Variants in BCAS3 observed in about 807,000 individuals in gnomAD.
BCAS3 encodes the protein BCAS4/BCAS3 fusion.
Under a neutral mutation model 116.1 loss-of-function variants are expected in BCAS3, and 53 were observed. The ratio of observed to expected loss-of-function variants is 0.46; its 90% CI spans 0.37 to 0.57. The LOEUF is 0.57. Among genes scored for constraint, BCAS3 ranks in the 20% least tolerant of loss-of-function variants. BCAS3 has a pLI of 0.00. For synonymous variants in BCAS3, 391 were observed against 408.2 expected (o/e 0.96, Z 0.51); for missense variants, 917 against 1,165.4 (o/e 0.79, Z 3.10).
At chr17:60,787,191 G>A (rs1028860201) in intron 6 of BCAS3, among the ~76,000 whole-genome samples, 4 of 152,120 alleles carry the variant, frequency 2.6e-5, no homozygotes, top group Admixed American at 2.0e-4. Flanking sequence ...ACAGAATTAT[G>A]TGTTGTAGTT....
chr17:61,264,270 A>C (rs1183615193), intron 22 of BCAS3, among the ~76,000 whole-genome samples: 2 of 152,102 alleles, frequency 1.3e-5, no homozygotes, highest in Non-Finnish European at 2.9e-5. Flanking sequence ...GAAAATTCTG[A>C]CTTGTGTATA....
intron 9 of BCAS3, among the ~76,000 whole-genome samples, chr17:60,880,580 G>A (rs924535375): frequency 2.0e-5 from 3 of 151,966 alleles, no homozygotes; most frequent in Non-Finnish European, 2.9e-5. Flanking sequence ...GAGCCACCGC[G>A]CCTAGCCATA....
In BCAS3 at chr17:61,344,916, TACAC is replaced by T. The variant is rs143541906; in HGVS notation, c.2426-23397_2426-23394del. On this transcript the variant is annotated intron_variant, in intron 22 of 23. Coordinates refer to ENST00000407086, the MANE Select transcript of BCAS3 (RefSeq NM_017679.5). The surrounding 1 kb of genome is among the most constrained non-coding windows in gnomAD (Gnocchi z 4.1). ...TATTTTATGATTCCTGGATCGGAAA[TACAC>T]ACACACACACACATACACACACACA... Among the ~76,000 whole-genome samples the T allele has an allele frequency of 6.7e-6, 1 of 149,966 alleles. No individual in the cohort carries two copies. The highest frequency in any genetic ancestry group is 1.5e-5 in the Non-Finnish European group (1 of 67,408).
intron 22 of BCAS3, among the ~76,000 whole-genome samples, chr17:61,086,196 C>T (rs972777319): frequency 6.6e-6 from 1 of 152,354 alleles, no homozygotes; most frequent in Non-Finnish European, 1.5e-5. Flanking sequence ...TCAAGCAATT[C>T]TCCTATCTCG....
intron 14 of BCAS3, among the ~76,000 whole-genome samples, chr17:60,982,958 A>G (rs1419798947): frequency 6.6e-6 from 1 of 152,186 alleles, no homozygotes; most frequent in Non-Finnish European, 1.5e-5. Flanking sequence ...CCAGGAGCAC[A>G]TATACTTTAT....
At chr17:60,788,270 A>C (rs771920358) in intron 6 of BCAS3, among the ~76,000 whole-genome samples, 1 of 152,206 alleles carries the variant, frequency 6.6e-6, no homozygotes. Flanking sequence ...TAAGGTTCAT[A>C]CATGGCATTT....
rs757557347 is a variant in BCAS3 at position 61,365,871 on chromosome 17, G to A, written c.2426-2456G>A. ...AGCTGAGTGTATAGCAGCCAGGTGCGGTGGCTCACACCTGGAATCCCAGCA... is the reference window on the plus strand; with the variant it reads ...AGCTGAGTGTATAGCAGCCAGGTGCAGTGGCTCACACCTGGAATCCCAGCA... On this transcript the variant is annotated intron_variant, in intron 22 of 23. Transcript: ENST00000407086. The surrounding 1 kb of genome is among the most constrained non-coding windows in gnomAD (Gnocchi z 4.6). Among the ~76,000 whole-genome samples the A allele has an allele frequency of 3.9e-5, 6 of 151,914 alleles. No individual in the cohort carries two copies. The South Asian group carries it at 6.2e-4, about 16-fold the overall frequency.
intron 7 of BCAS3, among the ~76,000 whole-genome samples, chr17:60,864,571 A>G (rs543268059): frequency 9.8e-5 from 15 of 152,330 alleles, no homozygotes; most frequent in East Asian, 7.7e-4. Flanking sequence ...TTAGTCTTCT[A>G]TCTAAACCAC....
chr17:61,285,076 GC>G lies in BCAS3; in HGVS notation c.2426-83250del, dbSNP rs1430212919. Among the ~76,000 whole-genome samples the G allele has an allele frequency of 6.6e-6, 1 of 152,184 alleles. No homozygotes were observed. Among genetic ancestry groups the G allele is most frequent in the Non-Finnish European group, 1.5e-5 (1 of 68,030 alleles). ...GTTGGGACCATGCCTACTGACTGAT[GC>G]TAACCTCGGGGTCTCTTCTGTCCCC... On this transcript the variant is annotated intron_variant, in intron 22 of 23. Transcript: ENST00000407086. The surrounding 1 kb of genome is among the most constrained non-coding windows in gnomAD (Gnocchi z 5.4).
chr17:60,961,461 C>G lies in BCAS3; in HGVS notation c.1221+14109C>G, dbSNP rs2061408671. ...CAATAGTCACATTAGCAGAATGAACCTCGAGATTACCCAGATGTAGTAAAT... is the reference window on the plus strand; with the variant it reads ...CAATAGTCACATTAGCAGAATGAACGTCGAGATTACCCAGATGTAGTAAAT... On this transcript the variant is annotated intron_variant, in intron 14 of 23. Transcript: ENST00000407086. The surrounding 1 kb of genome is among the most constrained non-coding windows in gnomAD (Gnocchi z 4.8). Among the ~76,000 whole-genome samples the G allele has an allele frequency of 6.6e-6, 1 of 151,994 alleles. No individual in the cohort carries two copies. The highest frequency in any genetic ancestry group is 1.5e-5 in the Non-Finnish European group (1 of 68,016).
At chr17:60,997,053 C>G (rs1177573985) in intron 15 of BCAS3, among the ~76,000 whole-genome samples, 2 of 152,092 alleles carry the variant, frequency 1.3e-5, no homozygotes, top group Non-Finnish European at 2.9e-5. Context: ...TTAAACGGTT[C>G]CATCTGAGAT....
At chr17:60,719,325 C>T (rs1209457891) in intron 5 of BCAS3, among the ~76,000 whole-genome samples, 3 of 152,158 alleles carry the variant, frequency 2.0e-5, no homozygotes, top group African/African-American at 7.2e-5. Flanking sequence ...ATAGTATTCG[C>T]CAGTGCACAC....
rs1235466980 is a variant in BCAS3 at position 61,082,861 on chromosome 17, C to T, written c.2328-1606C>T. On this transcript the variant is annotated intron_variant, in intron 21 of 23. Coordinates refer to ENST00000407086, the MANE Select transcript of BCAS3 (RefSeq NM_017679.5). The surrounding 1 kb of genome is among the most constrained non-coding windows in gnomAD (Gnocchi z 5.1). ...AATATTTGTTAATCAGTATTTTCAC[C>T]TTCCGGTAATAGATCATCCTATACC... is the stretch of plus-strand genomic sequence containing the variant. Among the ~76,000 whole-genome samples the T allele has an allele frequency of 1.3e-5, 2 of 152,156 alleles. No individual in the cohort carries two copies. The highest frequency in any genetic ancestry group is 2.9e-5 in the Non-Finnish European group (2 of 68,020).
chr17:61,259,969 C>A lies in BCAS3; in HGVS notation c.2426-108358C>A, dbSNP rs2049059523. Among the ~76,000 whole-genome samples the A allele has an allele frequency of 6.6e-6, 1 of 152,208 alleles. No individual in the cohort carries two copies. Among genetic ancestry groups the A allele is most frequent in the Non-Finnish European group, 1.5e-5 (1 of 68,026 alleles). On this transcript the variant is annotated intron_variant, in intron 22 of 23. Transcript: ENST00000407086. This position sits in a 1 kb window ranked among gnomAD's most constrained non-coding sequence, Gnocchi z 4.7. ...CTGTGTGAGGTAGGCGTTGTACAGG[C>A]TGCCTAACATAGTTTTTTATTAATC...
At chr17:60,970,853 AAT>A (rs1448532895) in intron 14 of BCAS3, among the ~76,000 whole-genome samples, 1 of 152,194 alleles carries the variant, frequency 6.6e-6, no homozygotes, top group African/African-American at 2.4e-5. Context: ...AAAAGACATA[AAT>A]TATTAGAGTA....
intron 3 of BCAS3, among the ~76,000 whole-genome samples, chr17:60,687,489 A>G (rs942228900): frequency 6.6e-6 from 1 of 152,188 alleles, no homozygotes; most frequent in Admixed American, 6.6e-5. Context: ...CTGTAGTCCC[A>G]GCTATTTGGG....
chr17:61,214,168 C>G lies in BCAS3; in HGVS notation c.2425+129604C>G, dbSNP rs556474927. Among the ~76,000 whole-genome samples the G allele has an allele frequency of 6.6e-6, 1 of 151,986 alleles. No homozygotes were observed. The highest frequency in any genetic ancestry group is 1.9e-4 in the East Asian group (1 of 5,158). On this transcript the variant is annotated intron_variant, in intron 22 of 23. Coordinates refer to ENST00000407086, the MANE Select transcript of BCAS3 (RefSeq NM_017679.5). The surrounding 1 kb of genome is among the most constrained non-coding windows in gnomAD (Gnocchi z 4.4). ...TCACGTGAGGTCAGGAGTTCAAGAC[C>G]AGCCTGTCCAACATGGCGAAACCCC...
rs776633872 is a variant in BCAS3 at position 61,213,326 on chromosome 17, T to A, written c.2425+128762T>A. Among the ~76,000 whole-genome samples, 2 of 151,942 alleles carry A rather than the reference T, an allele frequency of 1.3e-5. No homozygotes were observed. Among genetic ancestry groups the A allele is most frequent in the Admixed American group, 1.3e-4 (2 of 15,244 alleles). On this transcript the variant is annotated intron_variant, in intron 22 of 23. Transcript: ENST00000407086. This position sits in a 1 kb window ranked among gnomAD's most constrained non-coding sequence, Gnocchi z 5.4. ...CTGGGATTACAGGCTCCTGCCACCA[T>A]GCCCGGCTAATTTTTGTATTTTTAG...
intron 19 of BCAS3, among the ~76,000 whole-genome samples, chr17:61,061,847 C>T (rs756757551): frequency 2.6e-5 from 4 of 152,188 alleles, no homozygotes; most frequent in South Asian, 2.1e-4. Context: ...AAAAAAACAA[C>T]GTGTTTGAGC....
Sources: allele counts gnomAD v4.1 joint callset (sites outside exome capture counted in the v4.1 genomes callset), GRCh38; gene constraint gnomAD v4.1.1; non-coding constraint Gnocchi (gnomAD v3.1); transcripts MANE v1.5; gene names NCBI Gene and HGNC (gene_info 2026-07-23, HGNC 2026-07-21).